MAST2: variants seen among roughly 807,000 people sequenced by gnomAD.
The protein encoded by MAST2 is microtubule associated serine/threonine kinase 2.
A neutral mutation model predicts 147.4 loss-of-function variants in MAST2; 70 were observed. The ratio of observed to expected loss-of-function variants is 0.47; its 90% CI spans 0.39 to 0.58. The LOEUF is 0.58. Among genes scored for constraint, MAST2 ranks in the 20% least tolerant of loss-of-function variants. The pLI is 0.00. For missense variants in MAST2, 2,080 were observed against 2,302.3 expected (o/e 0.90, Z 1.98); for synonymous variants, 869 against 896.8 (o/e 0.97, Z 0.55).
intron 4 of MAST2, among the ~76,000 whole-genome samples, chr1:45,931,377 G>GTTTTTTTTTTTTTTTTTTTTTTTTTTTTT: frequency 9.9e-6 from 1 of 101,224 alleles, no homozygotes; most frequent in Non-Finnish European, 1.8e-5. Flanking sequence ...ATTGTGTTCT[G>GTTTTTTTTTTTTTTTTTTTTTTTTTTTTT]TTTTTTTTTT....
chr1:45,879,929 T>C (rs1570508021), intron 3 of MAST2, among the ~76,000 whole-genome samples: 2 of 152,286 alleles, frequency 1.3e-5, no homozygotes, highest in East Asian at 3.9e-4. Flanking sequence ...TGTAGAGTAG[T>C]TCGAACTTTC....
chr1:45,806,311 G>T (rs1240035485), intron 1 of MAST2, among the ~76,000 whole-genome samples: 1 of 152,206 alleles, frequency 6.6e-6, no homozygotes, highest in East Asian at 1.9e-4. Flanking sequence ...ATCATGTCTT[G>T]AGACTCATCC....
intron 3 of MAST2, among the ~76,000 whole-genome samples, chr1:45,873,263 G>A (rs1570471155): frequency 1.3e-5 from 2 of 150,154 alleles, no homozygotes; most frequent in East Asian, 1.9e-4. Context: ...GCATGATCTT[G>A]GCTCACTGCA....
intron 3 of MAST2, among the ~76,000 whole-genome samples, chr1:45,841,488 A>G (rs1254554312): frequency 6.6e-6 from 1 of 152,022 alleles, no homozygotes; most frequent in African/African-American, 2.4e-5. Flanking sequence ...TGATACAGTA[A>G]GAAATACATG....
intron 4 of MAST2, among the ~76,000 whole-genome samples, chr1:45,942,947 C>T (rs886341502): frequency 2.6e-5 from 4 of 152,128 alleles, no homozygotes; most frequent in Admixed American, 2.0e-4. Flanking sequence ...ATTTCCTGGT[C>T]CCCTTTAGAA....
chr1:45,812,699 A>G (rs1164384723), intron 1 of MAST2, among the ~76,000 whole-genome samples: 3 of 152,212 alleles, frequency 2.0e-5, no homozygotes, highest in South Asian at 2.1e-4. Context: ...TGCTGGGATT[A>G]CAAGCATCGG....
In MAST2 at chr1:46,032,256, C is replaced by A. The variant is rs766726606; in HGVS notation, c.3266C>A (p.Ser1089Tyr). ...TCCAACCCATCATCCCGGGACTCTT[C>A]TCCAAGCAGGGACTTCTTGCCAGCC... ...QSSNPSSRDS[S>Y]PSRDFLPALG... Residue 1089 changes from serine (S) to tyrosine (Y), a missense_variant, in exon 25 of 29, where the codon TCT (serine) becomes TAT (tyrosine). By Grantham distance (144) the Ser-to-Tyr change is moderately radical (BLOSUM62 -2). Coordinates refer to ENST00000361297, the MANE Select transcript of MAST2 (RefSeq NM_015112.3). The A allele has an allele frequency of 6.2e-7, 1 of 1,614,246 alleles. No homozygotes were observed. Among genetic ancestry groups the A allele is most frequent in the Non-Finnish European group, 8.5e-7 (1 of 1,180,054 alleles).
chr1:45,959,791 T>A (rs1660148990), intron 5 of MAST2, among the ~76,000 whole-genome samples: 1 of 152,132 alleles, frequency 6.6e-6, no homozygotes, highest in African/African-American at 2.4e-5. Context: ...TCGTCTTGGG[T>A]CATTTGATGA....
At position 45,914,314 on chromosome 1, in the gene MAST2, C is replaced by T. The variant is rs114995518; in HGVS notation, c.500+31919C>T. Among the ~76,000 whole-genome samples the T allele has an allele frequency of 6.7e-3, 1,013 of 152,286 alleles. 12 individuals carry two copies. Among genetic ancestry groups the T allele is most frequent in the African/African-American group, 0.024 (977 of 41,548 alleles). On this transcript the variant is annotated intron_variant, in intron 4 of 28. Transcript: ENST00000361297. ...GCTCAGGACCTCAGATCTGCCCTTG[C>T]AGATTCAAGCATGGGTCCTTTAGGG... is the stretch of plus-strand genomic sequence containing the variant.
chr1:45,931,244 T>C (rs1389559403), intron 4 of MAST2, among the ~76,000 whole-genome samples: 4 of 152,204 alleles, frequency 2.6e-5, no homozygotes, highest in Non-Finnish European at 1.5e-5. Context: ...ATAACCTCAA[T>C]ACTTTTGAAG....
At chr1:45,894,932 CCA>C (rs1246508334) in intron 4 of MAST2, among the ~76,000 whole-genome samples, 1 of 152,002 alleles carries the variant, frequency 6.6e-6, no homozygotes, top group Non-Finnish European at 1.5e-5. Context: ...TGGTTATATC[CCA>C]CAGAAACAAT....
intron 2 of MAST2, among the ~76,000 whole-genome samples, chr1:45,825,814 C>A (rs921863470): frequency 2.0e-5 from 3 of 151,834 alleles, no homozygotes; most frequent in African/African-American, 7.3e-5. Context: ...TGGTGGCTCA[C>A]GCCCGTAATC....
rs116456642 is a variant in MAST2 at position 46,004,137 on chromosome 1, G to A, written c.747+1254G>A. 6.6e-3 allele frequency among the ~76,000 whole-genome samples: 1,008 copies of A among 152,148 alleles called. 12 individuals are homozygous for A. Among genetic ancestry groups the A allele is most frequent in the African/African-American group, 0.023 (973 of 41,490 alleles). Reference sequence around the variant, plus strand: ...CCTGGCACTTTGGGAGGCTGAGGCAGGCTGATCGCAAGGTCAGGAGATCGA... The same window carrying A: ...CCTGGCACTTTGGGAGGCTGAGGCAAGCTGATCGCAAGGTCAGGAGATCGA... On this transcript the variant is annotated intron_variant, in intron 7 of 28. Coordinates refer to ENST00000361297, the MANE Select transcript of MAST2 (RefSeq NM_015112.3).
chr1:45,838,210 A>T (rs1293185148), intron 3 of MAST2, among the ~76,000 whole-genome samples: 5 of 128,110 alleles, frequency 3.9e-5, no homozygotes, highest in Admixed American at 3.6e-4. Context: ...CCAATTATAT[A>T]TATTCTTTTT....
Position 46,023,810 on chromosome 1 carries a change from G to T in MAST2, c.1610G>T (p.Arg537Leu). The change falls in exon 15 of 29, where the codon CGC becomes CTC. Residue 537 changes from arginine to leucine, a missense_variant. By Grantham distance (102) the Arg-to-Leu change is moderately radical. Coordinates refer to ENST00000361297, the MANE Select transcript of MAST2 (RefSeq NM_015112.3). The surrounding 1 kb of genome is among the most constrained non-coding windows in gnomAD (Gnocchi z 4.9). ...FLVRHKSTRQ[R>L]FAMKKINKQN... is the part of the protein sequence containing the mutation. ...GTGCGGCACAAGTCCACCCGGCAGC[G>T]CTTTGCCATGAAGAAGATCAACAAG... 1 of 1,614,070 alleles carries T rather than the reference G, an allele frequency of 6.2e-7. No individual in the cohort carries two copies. The highest frequency in any genetic ancestry group is 8.5e-7 in the Non-Finnish European group (1 of 1,180,022).
At chr1:45,856,980 CA>C (rs1645810499) in intron 3 of MAST2, among the ~76,000 whole-genome samples, 1 of 152,088 alleles carries the variant, frequency 6.6e-6, no homozygotes, top group Non-Finnish European at 1.5e-5. Flanking sequence ...GCTTTTTCAT[CA>C]ATATGTTCAG....
intron 21 of MAST2, 29 bp downstream of exon 21, chr1:46,030,267 G>A: frequency 1.3e-6 from 2 of 1,599,950 alleles, no homozygotes; most frequent in Non-Finnish European, 1.7e-6. Flanking sequence ...AGAATGGGCA[G>A]AACAGGCTGG....
chr1:45,990,805 A>G (rs967768466), intron 5 of MAST2, among the ~76,000 whole-genome samples: 3 of 152,098 alleles, frequency 2.0e-5, no homozygotes, highest in Non-Finnish European at 4.4e-5. Flanking sequence ...TTTTTTACAG[A>G]TATTTCCTCC....
intron 4 of MAST2, among the ~76,000 whole-genome samples, chr1:45,928,580 T>TC (rs1491579788): frequency 6.6e-6 from 1 of 151,216 alleles, no homozygotes; most frequent in Admixed American, 6.6e-5. Flanking sequence ...TTTTTTTTTT[T>TC]CTTTTCTTTT....
Sources: gnomAD v4.1 joint callset for allele counts (sites outside exome capture counted in the v4.1 genomes callset) on GRCh38, gnomAD v4.1.1 for gene constraint, Gnocchi (gnomAD v3.1) non-coding constraint, MANE v1.5 for transcripts, NCBI Gene and HGNC (gene_info 2026-07-23, HGNC 2026-07-21) for gene names.